The following DUOX1 variants were observed in gnomAD, a reference collection of about 807,000 sequenced individuals.
DUOX1 encodes dual oxidase 1, also known as NADPH thyroid oxidase 1.
DUOX1 carries 134 observed loss-of-function variants against 181.8 expected under a neutral mutation model. The observed-to-expected ratio is 0.74, with a 90% CI of 0.64 to 0.85. The LOEUF is 0.85. Ranked by LOEUF, DUOX1 falls within the 40% of genes least tolerant of loss-of-function variation. The pLI, the probability that DUOX1 is intolerant of heterozygous loss-of-function variation, is 0.00. For synonymous variants in DUOX1, 798 were observed against 832.5 expected (o/e 0.96, Z 0.71); for missense variants, 1,814 against 2,064.4 (o/e 0.88, Z 2.35).
intron 21 of DUOX1, 109 bp from the exon 22 acceptor site, chr15:45,150,523 G>A (rs1896772679): frequency 2.9e-6 from 3 of 1,039,762 alleles, no homozygotes; most frequent in East Asian, 2.4e-5. Context: ...ATTGGTCTGG[G>A]ACTGTCTACT....
Position 45,141,422 on chromosome 15 carries a change from A to G in DUOX1, c.1684+12A>G. On this transcript the variant is annotated intron_variant, in intron 14 of 33. Transcript: ENST00000389037. ...TGTCTGGCATAAAGGTGAGTGGCCA[A>G]GGGGTGGCTGGAGGAGTGGTGGGTC... is the stretch of plus-strand genomic sequence containing the variant. The G allele has an allele frequency of 6.2e-7, 1 of 1,613,998 alleles. No homozygotes were observed. The highest frequency in any genetic ancestry group is 1.7e-5 in the Admixed American group (1 of 60,012).
At chr15:45,147,771 G>C in intron 19 of DUOX1, 113 bp downstream of exon 19, 1 of 1,552,970 alleles carries the variant, frequency 6.4e-7, no homozygotes, top group Non-Finnish European at 8.9e-7. Flanking sequence ...TGCCCAGGCC[G>C]AGGTCAGGAA....
chr15:45,152,964 T>A (rs934085605), intron 25 of DUOX1: 1 of 310,800 alleles, frequency 3.2e-6, no homozygotes, highest in South Asian at 3.5e-5. Context: ...CTTATGCCCC[T>A]AATCCCAGCA....
intron 9 of DUOX1, 148 bp downstream of exon 9, chr15:45,136,773 T>G: frequency 1.4e-6 from 1 of 723,920 alleles, no homozygotes; most frequent in Non-Finnish European, 2.3e-6. Context: ...AAACAATTGT[T>G]TTAAAAGATA....
Position 45,135,865 on chromosome 15 carries a change from C to A in DUOX1, c.781C>A (p.Gln261Lys). The stretch of plus-strand genomic sequence containing the variant: ...GTTCCGCTACCACAACCTGTGGGCG[C>A]AGAGGCTGGCCCGCCAGCACCCAGA... ...LWFRYHNLWA[Q>K]RLARQHPDWE... Residue 261 changes from glutamine (Q) to lysine (K), a missense_variant, in exon 7 of 34, where the codon CAG (glutamine) becomes AAG (lysine). By Grantham distance (53) the Gln-to-Lys change is moderately conservative (BLOSUM62 1). Around this residue, in one of 5 missense-constraint regions of DUOX1, gnomAD observed 27 missense variants for 90.8 expected, o/e 0.30. Coordinates refer to ENST00000389037, the MANE Select transcript of DUOX1 (RefSeq NM_175940.3). 7.0e-7 allele frequency: 1 copy of A among 1,422,788 alleles called. No individual in the cohort carries two copies. Among genetic ancestry groups the A allele is most frequent in the South Asian group, 1.3e-5 (1 of 75,516 alleles). The allele number at this position is 1,422,788 out of a possible 1,614,324, so 88.1% of individuals were successfully genotyped here. A position where few individuals can be genotyped will look rare whatever the true frequency, so the allele number is the denominator to read the frequency against.
intron 8 of DUOX1, 58 bp downstream of exon 8, chr15:45,136,468 G>A (rs1677966156): frequency 8.1e-6 from 13 of 1,613,908 alleles, no homozygotes; most frequent in Non-Finnish European, 1.0e-5. Flanking sequence ...GGGTGGGGTG[G>A]GGACTACGTT....
rs375063263 is a variant in DUOX1, at chr15:45,143,323, G to T, written c.1936+20G>T. On this transcript the variant is annotated intron_variant, in intron 16 of 33. Coordinates refer to ENST00000389037, the MANE Select transcript of DUOX1 (RefSeq NM_175940.3). ...TGGAAGGTAGGTCTAGGGCTGGCCAGGGTGGTGGTAGGGAGGACATGGCTC... is the reference window on the plus strand; with the variant it reads ...TGGAAGGTAGGTCTAGGGCTGGCCATGGTGGTGGTAGGGAGGACATGGCTC... 2 of 1,605,300 alleles carry T rather than the reference G, an allele frequency of 1.2e-6. No homozygotes were observed. Among genetic ancestry groups the T allele is most frequent in the Non-Finnish European group, 1.7e-6 (2 of 1,172,712 alleles).
At chr15:45,147,824 G>A in intron 19 of DUOX1, 80 bp from the exon 20 acceptor site, 1 of 1,502,298 alleles carries the variant, frequency 6.7e-7, no homozygotes, top group Non-Finnish European at 9.3e-7. Context: ...TCATCACACT[G>A]GTGTGAGGCC....
intron 23 of DUOX1, 110 bp downstream of exon 23, chr15:45,151,358 G>GACTATTCACCCTGCC: frequency 7.1e-7 from 1 of 1,416,336 alleles, no homozygotes; most frequent in Non-Finnish European, 9.6e-7. Context: ...TACAGGCAGG[G>GACTATTCACCCTGCC]TGAATAGTCC....
At chr15:45,141,538 G>C in intron 14 of DUOX1, 128 bp downstream of exon 14, 1 of 1,082,188 alleles carries the variant, frequency 9.2e-7, no homozygotes, top group Non-Finnish European at 1.4e-6. Context: ...CTGTGGTTCT[G>C]CCCTTGGGAA....
chr15:45,163,868 C>G lies in DUOX1; in HGVS notation c.4483C>G (p.Arg1495Gly). 1 of 1,614,114 alleles carries G rather than the reference C, an allele frequency of 6.2e-7. No homozygotes were observed. The change falls in exon 33 of 34, where the codon CGT (arginine) becomes GGT (glycine). Residue 1495 changes from arginine to glycine, a missense_variant. Around this residue, in one of 5 missense-constraint regions of DUOX1, gnomAD observed 124 missense variants for 125.7 expected, o/e 0.99. Transcript: ENST00000389037. ...TGLRSITHFG[R>G]PPFEPFFNSL... ...CCTGCGCTCCATCACCCACTTTGGC[C>G]GTCCCCCCTTTGAGCCCTTCTTCAA...
At chr15:45,157,127 C>G (rs917588190) in intron 28 of DUOX1, among the ~76,000 whole-genome samples, 1 of 152,244 alleles carries the variant, frequency 6.6e-6, no homozygotes, top group East Asian at 1.9e-4. Context: ...CAGTTCTGTC[C>G]TCACTGACAG....
In DUOX1 at chr15:45,147,534, C is replaced by T. The variant is rs763165650; in HGVS notation, c.2424C>T (p.Ala808=). Residue 808 remains alanine, a synonymous_variant, in exon 19 of 34, where the codon GCC becomes GCT. Coordinates refer to ENST00000389037, the MANE Select transcript of DUOX1 (RefSeq NM_175940.3). ...GTGAGCTGAGCAGGGCCGAGTTTGC[C>T]GAGTCCCTGGGCCTCAAGCCCCAGG... The part of the protein sequence containing the change: ...LTCELSRAEF[A]ESLGLKPQDM... The T allele has an allele frequency of 5.6e-6, 9 of 1,613,944 alleles. No individual in the cohort carries two copies. The highest frequency in any genetic ancestry group is 5.3e-5 in the African/African-American group (4 of 74,942).
intron 1 of DUOX1, 66 bp from the exon 2 acceptor site, chr15:45,131,851 GC>G: frequency 8.9e-7 from 1 of 1,126,100 alleles, no homozygotes; most frequent in East Asian, 2.4e-5. Flanking sequence ...ATTCACAGAG[GC>G]CTGCAGAGTC....
At chr15:45,141,120 A>G in intron 13 of DUOX1, 50 bp downstream of exon 13, 1 of 1,609,972 alleles carries the variant, frequency 6.2e-7, no homozygotes, top group East Asian at 2.2e-5. Context: ...CCTGGGCCCC[A>G]GACCCTCTTT....
chr15:45,164,208 A>G (rs1346891248), intron 33 of DUOX1, among the ~76,000 whole-genome samples: 2 of 151,442 alleles, frequency 1.3e-5, no homozygotes, highest in Non-Finnish European at 2.9e-5. Flanking sequence ...CCTCACCACT[A>G]CCCTCACCAA....
At chr15:45,158,011 T>C (rs1897005731) in intron 28 of DUOX1, among the ~76,000 whole-genome samples, 1 of 151,702 alleles carries the variant, frequency 6.6e-6, no homozygotes, top group African/African-American at 2.4e-5. Flanking sequence ...GACCCCAGTA[T>C]AGACTAGACC....
Position 45,144,214 on chromosome 15 carries a change from G to A in DUOX1, c.2115G>A (p.Lys705=), listed in dbSNP as rs774329480. The A allele has an allele frequency of 2.9e-5, 46 of 1,613,962 alleles. No homozygotes were observed. The highest frequency in any genetic ancestry group is 3.8e-5 in the Non-Finnish European group (45 of 1,180,054). The change falls in exon 17 of 34, where the codon AAG becomes AAA. Residue 705 remains lysine, a synonymous_variant. Transcript: ENST00000389037. ...GTGGACGCCGCACTCTGCTGCTCAA[G>A]ATCCCCAAGGAGTATGACCTGGTAT... ...SNRGRRTLLL[K]IPKEYDLVLL...
intron 24 of DUOX1, 109 bp from the exon 25 acceptor site, chr15:45,152,175 CTG>C (rs899923190): frequency 1.1e-5 from 16 of 1,469,916 alleles, no homozygotes; most frequent in East Asian, 2.4e-5. Context: ...TGAGTGAAGA[CTG>C]TGCGGGGGAG....
Sources: allele counts gnomAD v4.1 joint callset (sites outside exome capture counted in the v4.1 genomes callset), GRCh38; gene constraint gnomAD v4.1.1; regional missense constraint gnomAD v4.1.1; transcripts MANE v1.5; gene names NCBI Gene and HGNC (gene_info 2026-07-23, HGNC 2026-07-21).